Variants in UNC5D observed in about 807,000 individuals in gnomAD.
UNC5D encodes the protein netrin receptor UNC5D.
Under a neutral mutation model 105.4 loss-of-function variants are expected in UNC5D, and 39 were observed. The observed-to-expected ratio is 0.37, with a 90% confidence interval of 0.29 to 0.48. UNC5D has a LOEUF of 0.48. UNC5D is among the 20% of genes least tolerant of loss of function. The pLI is 0.98. For synonymous variants in UNC5D, 452 were observed against 450.4 expected, an observed-to-expected ratio of 1.00 and a Z score of -0.04; for missense variants, 991 against 1,202.4, an observed-to-expected ratio of 0.82 and a Z score of 2.60.
chr8:35,431,487 TAAAC>T lies in UNC5D; in HGVS notation c.104-117801_104-117798del, dbSNP rs555506230. ...ACCATTATTTTCAAGGCTCCTTAAG[TAAAC>T]AAAAAAGAATGTTTCTAGGACTTCA... On this transcript the variant is annotated intron_variant, in intron 1 of 16. Coordinates refer to ENST00000404895, the MANE Select transcript of UNC5D (RefSeq NM_080872.4). 2.5e-3 allele frequency among the ~76,000 whole-genome samples: 383 copies of T among 152,210 alleles called. 6 individuals carry two copies. The highest frequency in any genetic ancestry group is 8.6e-3 in the African/African-American group (357 of 41,562).
chr8:35,309,394 C>T (rs1228083414), intron 1 of UNC5D, among the ~76,000 whole-genome samples: 1 of 152,146 alleles, frequency 6.6e-6, no homozygotes, highest in Non-Finnish European at 1.5e-5. Context: ...TCAGGGATAA[C>T]ACCCAGAATC....
intron 4 of UNC5D, among the ~76,000 whole-genome samples, chr8:35,631,690 T>G (rs1245385461): frequency 1.3e-5 from 2 of 152,206 alleles, no homozygotes; most frequent in Non-Finnish European, 1.5e-5. Flanking sequence ...ACAGCTCTTC[T>G]GCAATACATT....
chr8:35,774,075 G>C (rs1482638439), intron 15 of UNC5D, among the ~76,000 whole-genome samples: 2 of 152,154 alleles, frequency 1.3e-5, no homozygotes, highest in African/African-American at 4.8e-5. Flanking sequence ...CCCCTGAGTG[G>C]AAGAGGCTGT....
At chr8:35,366,694 C>A (rs1802141197) in intron 1 of UNC5D, among the ~76,000 whole-genome samples, 1 of 151,978 alleles carries the variant, frequency 6.6e-6, no homozygotes, top group Non-Finnish European at 1.5e-5. Flanking sequence ...ATTTAGGATG[C>A]TGGATAATGT....
At chr8:35,314,747 A>G (rs1031606739) in intron 1 of UNC5D, among the ~76,000 whole-genome samples, 10 of 152,190 alleles carry the variant, frequency 6.6e-5, no homozygotes, top group African/African-American at 2.4e-4. Context: ...TGCTGAAAAT[A>G]AAACAGCTTC....
chr8:35,750,209 C>T (rs1033387599), intron 12 of UNC5D, among the ~76,000 whole-genome samples: 1 of 151,962 alleles, frequency 6.6e-6, no homozygotes, highest in African/African-American at 2.4e-5. Flanking sequence ...TGGATCTCCG[C>T]CTACTGCAAT....
intron 6 of UNC5D, 146 bp from the exon 7 acceptor site, chr8:35,686,399 G>A: frequency 1.2e-6 from 1 of 847,762 alleles, no homozygotes. Context: ...AAACCATGGA[G>A]AGAAGATAAG....
chr8:35,467,812 T>C (rs1314123815), intron 1 of UNC5D, among the ~76,000 whole-genome samples: 3 of 152,154 alleles, frequency 2.0e-5, no homozygotes, highest in Non-Finnish European at 4.4e-5. Context: ...TCATGGAGTG[T>C]GTTTCTGATA....
At chr8:35,492,341 C>T (rs373498507) in intron 1 of UNC5D, among the ~76,000 whole-genome samples, 3 of 151,900 alleles carry the variant, frequency 2.0e-5, no homozygotes, top group South Asian at 2.1e-4. Context: ...ATAATTTTGT[C>T]AGTGGGGTAT....
At chr8:35,671,195 C>A (rs1486773601) in intron 4 of UNC5D, among the ~76,000 whole-genome samples, 1 of 152,062 alleles carries the variant, frequency 6.6e-6, no homozygotes, top group Non-Finnish European at 1.5e-5. Context: ...TCCGTGATCT[C>A]TTGAGTGTCT....
At chr8:35,652,978 G>T (rs2131190678) in intron 4 of UNC5D, among the ~76,000 whole-genome samples, 1 of 129,420 alleles carries the variant, frequency 7.7e-6, no homozygotes, top group East Asian at 2.2e-4. Flanking sequence ...CAGGCAGGCT[G>T]CAGTGCAGTG....
Position 35,790,805 on chromosome 8 carries a change from C to G in UNC5D, c.*242C>G, listed in dbSNP as rs1803006015. 1.8e-6 allele frequency: 1 copy of G among 546,202 alleles called. No homozygotes were observed. Among genetic ancestry groups the G allele is most frequent in the East Asian group, 3.1e-5 (1 of 32,166 alleles). The allele number at this position is 546,202 out of a possible 1,614,324, so 33.8% of individuals were successfully genotyped here. A position where few individuals can be genotyped will look rare whatever the true frequency, so the allele number is the denominator to read the frequency against. On this transcript the variant is annotated 3_prime_UTR_variant, in exon 17 of 17. Transcript: ENST00000404895. ...CTTGGAATCCACATTTGGGTTAACTCCTCAGATTTGGAGTGGCAAGGATAA... is the reference window on the plus strand; with the variant it reads ...CTTGGAATCCACATTTGGGTTAACTGCTCAGATTTGGAGTGGCAAGGATAA...
chr8:35,263,165 A>G (rs1443540865), intron 1 of UNC5D, among the ~76,000 whole-genome samples: 2 of 152,148 alleles, frequency 1.3e-5, no homozygotes, highest in African/African-American at 2.4e-5. Flanking sequence ...ACAAACTCCT[A>G]TTTAACCCTC....
At chr8:35,723,822 A>G (rs1361717209) in intron 9 of UNC5D, among the ~76,000 whole-genome samples, 1 of 152,176 alleles carries the variant, frequency 6.6e-6, no homozygotes, top group Non-Finnish European at 1.5e-5. Context: ...TGTGAGAGAC[A>G]GTTTTGTGCA....
At chr8:35,586,786 C>T (rs1168423037) in intron 3 of UNC5D, among the ~76,000 whole-genome samples, 1 of 152,100 alleles carries the variant, frequency 6.6e-6, no homozygotes, top group Non-Finnish European at 1.5e-5. Context: ...TTTTCACTGG[C>T]TGATTTGGTT....
chr8:35,498,781 T>C (rs1811783328), intron 1 of UNC5D, among the ~76,000 whole-genome samples: 1 of 152,068 alleles, frequency 6.6e-6, no homozygotes, highest in Non-Finnish European at 1.5e-5. Flanking sequence ...AAACTCATAA[T>C]CGCTAAAGGA....
At chr8:35,698,149 T>A (rs1441659992) in intron 7 of UNC5D, among the ~76,000 whole-genome samples, 1 of 152,158 alleles carries the variant, frequency 6.6e-6, no homozygotes, top group Admixed American at 6.5e-5. Context: ...ATGTTTAAAT[T>A]GCACAGCTTG....
intron 1 of UNC5D, among the ~76,000 whole-genome samples, chr8:35,423,497 G>A (rs936854110): frequency 6.6e-6 from 1 of 152,134 alleles, no homozygotes; most frequent in Non-Finnish European, 1.5e-5. Flanking sequence ...AAACCATGTA[G>A]CTAATTCTAT....
rs1286042302 is a variant in UNC5D, at chr8:35,589,891, C to G, written c.467-5663C>G. Among the ~76,000 whole-genome samples the G allele has an allele frequency of 3.9e-5, 6 of 152,092 alleles. No homozygotes were observed. In the East Asian group the frequency reaches 1.2e-3, roughly 29 times the overall value. On this transcript the variant is annotated intron_variant, in intron 3 of 16. Transcript: ENST00000404895. ...GTTCATCTATGAACTTTTGAAGTAA[C>G]ACATTACAGCTCGCTCTTCATGTAT... is the stretch of plus-strand genomic sequence containing the variant.
Sources: gnomAD v4.1 joint callset for allele counts (sites outside exome capture counted in the v4.1 genomes callset) on GRCh38, gnomAD v4.1.1 for gene constraint, MANE v1.5 for transcripts, NCBI Gene and HGNC (gene_info 2026-07-23, HGNC 2026-07-21) for gene names.